CCDC149: variants seen among roughly 807,000 people sequenced by gnomAD.
CCDC149 encodes coiled-coil domain-containing protein 149.
Under a neutral mutation model 59.9 loss-of-function variants are expected in CCDC149, and 45 were observed. That is an observed-to-expected ratio of 0.75 (90% CI 0.59 to 0.96). The LOEUF (loss-of-function observed/expected upper bound fraction) is 0.96. CCDC149 is among the 40% of genes least tolerant of loss of function. The pLI is 0.00. For synonymous variants in CCDC149, 245 were observed against 260.6 expected (o/e 0.94, Z 0.58); for missense variants, 584 against 664.7 (o/e 0.88, Z 1.33).
chr4:24,918,193 C>A (rs897111189), intron 1 of CCDC149, among the ~76,000 whole-genome samples: 1 of 152,068 alleles, frequency 6.6e-6, no homozygotes, highest in Non-Finnish European at 1.5e-5. Context: ...TGATCAAGGA[C>A]CTACTGTGTA....
chr4:24,842,102 CAG>C (rs982914685), intron 4 of CCDC149, among the ~76,000 whole-genome samples: 5 of 152,184 alleles, frequency 3.3e-5, no homozygotes, highest in African/African-American at 9.6e-5. Flanking sequence ...AAAGGACCAT[CAG>C]GGGGAATTCT....
At chr4:24,944,839 G>T (rs891712325) in intron 1 of CCDC149, among the ~76,000 whole-genome samples, 8 of 152,190 alleles carry the variant, frequency 5.3e-5, no homozygotes, top group African/African-American at 1.7e-4. Flanking sequence ...GGTGATGATG[G>T]TAGTTATTTT....
chr4:24,938,035 A>G (rs978843268), intron 1 of CCDC149, among the ~76,000 whole-genome samples: 3 of 152,196 alleles, frequency 2.0e-5, no homozygotes, highest in African/African-American at 7.2e-5. Context: ...ATAACACAGT[A>G]TTGGAGCACA....
intron 1 of CCDC149, among the ~76,000 whole-genome samples, chr4:24,960,126 G>A (rs1019756157): frequency 2.0e-5 from 3 of 152,148 alleles, no homozygotes; most frequent in Non-Finnish European, 4.4e-5. Flanking sequence ...AGGCCAGGAA[G>A]GGAAGTATAC....
intron 1 of CCDC149, among the ~76,000 whole-genome samples, chr4:24,931,579 G>A (rs1480913287): frequency 6.6e-6 from 1 of 151,124 alleles, no homozygotes; most frequent in Non-Finnish European, 1.5e-5. Flanking sequence ...GAGAAGAGAG[G>A]CCAAATGAGC....
At chr4:24,813,132 C>T (rs992702194) in intron 12 of CCDC149, among the ~76,000 whole-genome samples, 1 of 151,892 alleles carries the variant, frequency 6.6e-6, no homozygotes, top group East Asian at 1.9e-4. Flanking sequence ...GGATTTGTAC[C>T]CTTATATGAA....
At chr4:24,960,693 C>T (rs1723612676) in intron 1 of CCDC149, among the ~76,000 whole-genome samples, 1 of 151,974 alleles carries the variant, frequency 6.6e-6, no homozygotes, top group Non-Finnish European at 1.5e-5. Flanking sequence ...GGTCAATTAG[C>T]CAAAAGGATA....
intron 1 of CCDC149, among the ~76,000 whole-genome samples, chr4:24,955,664 C>G (rs1032092554): frequency 6.6e-6 from 1 of 152,078 alleles, no homozygotes; most frequent in Non-Finnish European, 1.5e-5. Context: ...ATATGAGGTA[C>G]TTAGAGCAGT....
intron 1 of CCDC149, among the ~76,000 whole-genome samples, chr4:24,958,743 A>T (rs1560269590): frequency 6.6e-6 from 1 of 151,530 alleles, no homozygotes; most frequent in Non-Finnish European, 1.5e-5. Flanking sequence ...AACAGAGAAG[A>T]AAAAAAAGCC....
chr4:24,838,249 T>C lies in CCDC149; in HGVS notation c.396A>G (p.Lys132=). The change falls in exon 5 of 13, where the codon AAA becomes AAG. Residue 132 remains lysine, a synonymous_variant. Coordinates refer to ENST00000635206, the MANE Select transcript of CCDC149 (RefSeq NM_001330643.2). The stretch of plus-strand genomic sequence containing the variant: ...CGATTGCTTCGTCTCCGAGCCTTTG[T>C]TTGGCAATCGTCATCCTCAAGAGCT... 6.2e-7 allele frequency: 1 copy of C among 1,614,124 alleles called. No homozygotes were observed. Among genetic ancestry groups the C allele is most frequent in the Non-Finnish European group, 8.5e-7 (1 of 1,179,990 alleles).
chr4:24,978,452 T>G (rs1724314738), intron 1 of CCDC149, among the ~76,000 whole-genome samples: 1 of 152,214 alleles, frequency 6.6e-6, no homozygotes, highest in Non-Finnish European at 1.5e-5. Flanking sequence ...TGTGGTGGTT[T>G]GCATATGTGG....
chr4:24,822,632 TG>T (rs1453460244), intron 9 of CCDC149, 59 bp from the exon 10 acceptor site: 2 of 1,248,314 alleles, frequency 1.6e-6, no homozygotes, highest in African/African-American at 1.5e-5. Context: ...CCCCCAGCCC[TG>T]GGAATCCCAC....
intron 1 of CCDC149, among the ~76,000 whole-genome samples, chr4:24,965,159 G>A (rs962013712): frequency 6.6e-6 from 1 of 151,016 alleles, no homozygotes; most frequent in East Asian, 1.9e-4. Context: ...ATAAAACATG[G>A]TACTATATTA....
At chr4:24,906,373 T>G (rs574328560) in intron 1 of CCDC149, among the ~76,000 whole-genome samples, 115 of 25,084 alleles carry the variant, frequency 4.6e-3, no homozygotes, top group Non-Finnish European at 9.9e-3. Context: ...AAATTTTATT[T>G]TATTTTATTT....
At chr4:24,853,587 CAAAAAA>C (rs11291619) in intron 3 of CCDC149, among the ~76,000 whole-genome samples, 8 of 92,366 alleles carry the variant, frequency 8.7e-5, no homozygotes, top group African/African-American at 2.9e-4. Flanking sequence ...GACTCCATTT[CAAAAAA>C]AAAAAAAAAA....
chr4:24,936,369 A>G (rs1230923324), intron 1 of CCDC149, among the ~76,000 whole-genome samples: 2 of 152,014 alleles, frequency 1.3e-5, no homozygotes, highest in Non-Finnish European at 2.9e-5. Context: ...CATCAAATAT[A>G]TGTTCTAGGG....
chr4:24,860,761 T>C (rs968766004), intron 3 of CCDC149, among the ~76,000 whole-genome samples: 1 of 151,848 alleles, frequency 6.6e-6, no homozygotes, highest in Non-Finnish European at 1.5e-5. Context: ...AAAAAACAAA[T>C]ATTCCCATTA....
intron 9 of CCDC149, among the ~76,000 whole-genome samples, chr4:24,825,004 T>C (rs1488352290): frequency 6.6e-6 from 1 of 152,212 alleles, no homozygotes; most frequent in Non-Finnish European, 1.5e-5. Flanking sequence ...CTGAACCTGG[T>C]ATGACGCAGC....
chr4:24,977,860 C>T (rs761678895), intron 1 of CCDC149, among the ~76,000 whole-genome samples: 9 of 152,208 alleles, frequency 5.9e-5, no homozygotes, highest in Non-Finnish European at 1.3e-4. Context: ...TGGCTGGGCA[C>T]AGTGGCTCAT....
Sources: allele counts gnomAD v4.1 joint callset (sites outside exome capture counted in the v4.1 genomes callset), GRCh38; gene constraint gnomAD v4.1.1; transcripts MANE v1.5; gene names NCBI Gene and HGNC (gene_info 2026-07-23, HGNC 2026-07-21).